PSME4: variants seen among roughly 807,000 people sequenced by gnomAD.
PSME4 encodes proteasome activator subunit 4.
PSME4 carries 89 observed loss-of-function variants against 253.9 expected under a neutral mutation model. The observed-to-expected ratio is 0.35, with a 90% CI of 0.30 to 0.42. The LOEUF is 0.42. PSME4 is among the 10% of genes least tolerant of loss of function. The probability of loss-of-function intolerance (pLI) is 1.00; values close to 1 mark genes in which losing one functional copy is unlikely to be tolerated. For synonymous variants in PSME4, 851 were observed against 759.2 expected (o/e 1.12, Z -1.99); for missense variants, 2,014 against 2,195.2 (o/e 0.92, Z 1.65).
chr2:53,931,268 C>G (rs996624304), intron 10 of PSME4, among the ~76,000 whole-genome samples: 1 of 151,312 alleles, frequency 6.6e-6, no homozygotes, highest in Non-Finnish European at 1.5e-5. Context: ...AAAATTTCAT[C>G]TCAAAAAAAA....
In PSME4 at chr2:53,897,723, C is replaced by G; in HGVS notation, c.3606+147G>C. 5 of 898,364 alleles carry G rather than the reference C, an allele frequency of 5.6e-6. No individual in the cohort carries two copies. The South Asian group carries it at 9.5e-5, about 17-fold the overall frequency. 55.6% of individuals were successfully genotyped at this position (898,364 alleles called of 1,614,324 possible). A position where few individuals can be genotyped will look rare whatever the true frequency, so the allele number is the denominator to read the frequency against. On this transcript the variant is annotated intron_variant, in intron 31 of 46. Transcript: ENST00000404125. ...GTTCATTTGTTAGATGAATCATTAT[C>G]ATCTCTGAATCAACAGGGGGAGATT...
At chr2:53,933,112 AAC>A (rs907400812) in intron 8 of PSME4, 5 of 183,444 alleles carry the variant, frequency 2.7e-5, no homozygotes, top group Non-Finnish European at 4.6e-5. Context: ...CAAGAATGCT[AAC>A]ATCAGGCATA....
chr2:53,966,914 G>C (rs191877993), intron 1 of PSME4, among the ~76,000 whole-genome samples: 3 of 152,194 alleles, frequency 2.0e-5, no homozygotes, highest in Admixed American at 1.3e-4. Flanking sequence ...TGGTCAGGCT[G>C]GTCTCGAACT....
chr2:53,948,395 T>C (rs945939557), intron 3 of PSME4, 26 bp downstream of exon 3: 2 of 1,479,610 alleles, frequency 1.4e-6, no homozygotes, highest in Non-Finnish European at 1.9e-6. Context: ...TACTCCCAAA[T>C]AAGTGCTTTA....
At chr2:53,925,792 G>C in intron 13 of PSME4, 103 bp from the exon 14 acceptor site, 1 of 1,284,762 alleles carries the variant, frequency 7.8e-7, no homozygotes, top group Non-Finnish European at 1.1e-6. Flanking sequence ...TCAAGTGATA[G>C]CTACTTAATT....
chr2:53,936,730 A>T, intron 6 of PSME4, 34 bp downstream of exon 6: 2 of 1,422,712 alleles, frequency 1.4e-6, no homozygotes, highest in Non-Finnish European at 1.9e-6. Flanking sequence ...AAAAAAAACT[A>T]TAGGGGGGAA....
At chr2:53,950,777 G>A (rs946820139) in intron 1 of PSME4, among the ~76,000 whole-genome samples, 2 of 149,472 alleles carry the variant, frequency 1.3e-5, no homozygotes, top group Admixed American at 6.7e-5. Context: ...GGAGGCGGAG[G>A]TTGCGGTGAG....
rs762365591 is a variant in PSME4 at position 53,887,290 on chromosome 2, C to T, written c.4698G>A (p.Glu1566=). 6 of 1,613,966 alleles carry T rather than the reference C, an allele frequency of 3.7e-6. No individual in the cohort carries two copies. Among genetic ancestry groups the T allele is most frequent in the South Asian group, 2.2e-5 (2 of 91,066 alleles). Residue 1566 remains glutamate (E), a synonymous_variant, in exon 40 of 47, where the codon GAG becomes GAA. Coordinates refer to ENST00000404125, the MANE Select transcript of PSME4 (RefSeq NM_014614.3). ...MEENGIGEED[E]RTQGIKLLKT... The stretch of plus-strand genomic sequence containing the variant: ...TCAAGAGTTTAATGCCCTGAGTTCG[C>T]TCATCTTCTTCACCAATTCCATTTT...
intron 3 of PSME4, among the ~76,000 whole-genome samples, chr2:53,940,985 A>ATATATATATG (rs1669422631): frequency 1.1e-5 from 1 of 95,026 alleles, no homozygotes; most frequent in East Asian, 2.8e-4. Context: ...ATATATATAT[A>ATATATATATG]TATATATATA....
In PSME4 at chr2:53,920,958, G is replaced by C; in HGVS notation, c.2193C>G (p.Ile731Met). 1.9e-6 allele frequency: 3 copies of C among 1,614,092 alleles called. No individual in the cohort carries two copies. Among genetic ancestry groups the C allele is most frequent in the Non-Finnish European group, 2.5e-6 (3 of 1,179,944 alleles). The change falls in exon 18 of 47, where the codon ATC becomes ATG. Residue 731 changes from isoleucine (I) to methionine (M), a missense_variant. By Grantham distance (10) the Ile-to-Met change is conservative. Transcript: ENST00000404125. ...GCACACTGCAGTATTCTGTAGGGTA[G>C]ATAAGTGTGGTAGAACGGAGAAGAT... ...LHHLLRSTTLIYPTEYCSVPG... is the reference protein window; with the variant it reads ...LHHLLRSTTLMYPTEYCSVPG...
Position 53,923,392 on chromosome 2 carries a change from A to G in PSME4, c.1837T>C (p.Ser613Pro). Reference sequence around the variant, plus strand: ...CTTGTTTCAAATATATGTGAAGTAGAAAAATTAAAAACCTTCTGAAGGGCC... The same window carrying G: ...CTTGTTTCAAATATATGTGAAGTAGGAAAATTAAAAACCTTCTGAAGGGCC... ...MVALQKVFNF[S>P]TSHIFETRVA... Residue 613 changes from serine (S) to proline (P), a missense_variant, in exon 15 of 47, where the codon TCT (serine) becomes CCT (proline). By Grantham distance (74) the Ser-to-Pro change is moderately conservative. This residue lies in a region of PSME4 where 989 missense variants were observed against 1,021.1 expected (regional missense o/e 0.97). Coordinates refer to ENST00000404125, the MANE Select transcript of PSME4 (RefSeq NM_014614.3). The G allele has an allele frequency of 6.2e-7, 1 of 1,609,334 alleles. No individual in the cohort carries two copies. Among genetic ancestry groups the G allele is most frequent in the Non-Finnish European group, 8.5e-7 (1 of 1,178,626 alleles).
intron 1 of PSME4, among the ~76,000 whole-genome samples, chr2:53,962,429 T>C (rs2104489347): frequency 6.6e-6 from 1 of 151,628 alleles, no homozygotes; most frequent in South Asian, 2.1e-4. Flanking sequence ...AAAATTTGCC[T>C]CCACTTCAAT....
intron 20 of PSME4, among the ~76,000 whole-genome samples, chr2:53,914,853 C>G (rs1311820062): frequency 2.6e-5 from 4 of 152,170 alleles, no homozygotes; most frequent in Admixed American, 2.6e-4. Context: ...CGCACTCCAG[C>G]CTGGGCAACG....
At chr2:53,908,071 T>C (rs1283539274) in intron 24 of PSME4, 2 of 432,366 alleles carry the variant, frequency 4.6e-6, no homozygotes, top group Admixed American at 8.0e-5. Context: ...CTCAATGCTA[T>C]TGTCCAAATT....
chr2:53,932,650 C>G lies in PSME4; in HGVS notation c.1050+18G>C. Reference sequence around the variant, plus strand: ...TTTAAAAATTCCAAGCCCTATAATGCAAAACGAAGTTACTCACCAGCCAGC... The same window carrying G: ...TTTAAAAATTCCAAGCCCTATAATGGAAAACGAAGTTACTCACCAGCCAGC... On this transcript the variant is annotated intron_variant, in intron 9 of 46. Transcript: ENST00000404125. The G allele has an allele frequency of 1.3e-6, 2 of 1,586,104 alleles. No homozygotes were observed. The highest frequency in any genetic ancestry group is 1.3e-5 in the African/African-American group (1 of 74,380).
At chr2:53,928,682 A>G in intron 10 of PSME4, among the ~76,000 whole-genome samples, 1 of 152,186 alleles carries the variant, frequency 6.6e-6, no homozygotes, top group East Asian at 1.9e-4. Flanking sequence ...CACAGTATAC[A>G]TAGGGTCCAG....
Position 53,875,703 on chromosome 2 carries a change from T to C in PSME4, c.4868A>G (p.Lys1623Arg). ...NSYDELKRDA[K>R]LCLSLMSQGL... ...CTGAGACATTAATGATAAACATAAC[T>C]TTGCATCTCTTTTCAGTTCATCGTA... The change falls in exon 42 of 47, where the codon AAG becomes AGG. Residue 1623 changes from lysine (K) to arginine (R), a missense_variant. Physicochemically the swap from Lys to Arg is conservative, Grantham distance 26. This residue lies in a region of PSME4 where 403 missense variants were observed against 556.1 expected (regional missense o/e 0.72). Coordinates refer to ENST00000404125, the MANE Select transcript of PSME4 (RefSeq NM_014614.3). 6.2e-7 allele frequency: 1 copy of C among 1,613,180 alleles called. No homozygotes were observed. Among genetic ancestry groups the C allele is most frequent in the African/African-American group, 1.3e-5 (1 of 75,020 alleles).
At chr2:53,967,564 C>T (rs1156987325) in intron 1 of PSME4, among the ~76,000 whole-genome samples, 3 of 137,694 alleles carry the variant, frequency 2.2e-5, no homozygotes, top group African/African-American at 8.1e-5. Flanking sequence ...ATCGTTTGAA[C>T]CAGGGAGGTG....
intron 36 of PSME4, among the ~76,000 whole-genome samples, chr2:53,891,253 G>A (rs202043643): frequency 3.9e-4 from 60 of 152,194 alleles, no homozygotes; most frequent in African/African-American, 1.4e-3. Flanking sequence ...AAACATGTAC[G>A]TCGTACAGAG....
Sources: allele counts gnomAD v4.1 joint callset (sites outside exome capture counted in the v4.1 genomes callset), GRCh38; gene constraint gnomAD v4.1.1; regional missense constraint gnomAD v4.1.1; transcripts MANE v1.5; gene names NCBI Gene and HGNC (gene_info 2026-07-23, HGNC 2026-07-21).